Variants in MYO16 observed in about 807,000 individuals in gnomAD.
MYO16 encodes the protein myosin XVI.
A neutral mutation model predicts 205.3 loss-of-function variants in MYO16; 94 were observed. The ratio of observed to expected loss-of-function variants is 0.46; its 90% CI spans 0.39 to 0.54. MYO16 has a LOEUF of 0.54. MYO16 is among the 20% of genes least tolerant of loss of function. MYO16 has a pLI of 0.00. For synonymous variants in MYO16, 988 were observed against 954.0 expected (o/e 1.04, Z -0.66); for missense variants, 2,315 against 2,387.5 (o/e 0.97, Z 0.63).
chr13:109,101,039 T>G (rs1419657692), intron 28 of MYO16, 152 bp downstream of exon 28: 2 of 630,504 alleles, frequency 3.2e-6, no homozygotes, highest in South Asian at 4.1e-5. Flanking sequence ...CCTGGAAATT[T>G]GTCATTCTTT....
chr13:108,818,418 A>G (rs981133829), intron 7 of MYO16, among the ~76,000 whole-genome samples: 1 of 148,142 alleles, frequency 6.8e-6, no homozygotes, highest in Non-Finnish European at 1.5e-5. Flanking sequence ...AAAAATAAAA[A>G]AGAGAGAGAT....
At chr13:109,045,414 A>G (rs1887008290) in intron 23 of MYO16, among the ~76,000 whole-genome samples, 2 of 152,178 alleles carry the variant, frequency 1.3e-5, no homozygotes, top group African/African-American at 4.8e-5. Context: ...ACATTTAACA[A>G]CGTATGGTGT....
chr13:108,847,409 C>A (rs543928192), intron 10 of MYO16, among the ~76,000 whole-genome samples: 1 of 152,254 alleles, frequency 6.6e-6, no homozygotes, highest in East Asian at 1.9e-4. Flanking sequence ...TGTTCTTGCC[C>A]ACAAGGTGCT....
At chr13:108,611,286 A>G (rs1879163477) in intron 1 of MYO16, among the ~76,000 whole-genome samples, 3 of 152,192 alleles carry the variant, frequency 2.0e-5, no homozygotes, top group Admixed American at 1.3e-4. Context: ...CATCACAATA[A>G]AAAGAGAAAA....
intron 27 of MYO16, among the ~76,000 whole-genome samples, chr13:109,061,198 T>C (rs1232348204): frequency 3.3e-5 from 5 of 152,182 alleles, no homozygotes; most frequent in Admixed American, 1.3e-4. Flanking sequence ...TGATCTTATC[T>C]TCTGTCCAGA....
chr13:109,161,043 G>C (rs1184415501), intron 32 of MYO16, among the ~76,000 whole-genome samples: 1 of 152,122 alleles, frequency 6.6e-6, no homozygotes, highest in South Asian at 2.1e-4. Context: ...GTCAGGGCAC[G>C]GCTGCTTTCA....
At chr13:108,785,572 A>C in intron 4 of MYO16, 63 bp from the exon 5 acceptor site, 1 of 950,364 alleles carries the variant, frequency 1.1e-6, no homozygotes, top group Non-Finnish European at 1.5e-6. Context: ...TTGAAGTACA[A>C]CTCCTAATCT....
intron 22 of MYO16, among the ~76,000 whole-genome samples, chr13:109,009,818 A>G (rs892309260): frequency 6.6e-6 from 1 of 152,092 alleles, no homozygotes; most frequent in Non-Finnish European, 1.5e-5. Flanking sequence ...CTTGCTTCTA[A>G]CTTGTCAGCA....
At chr13:109,091,613 G>A (rs767329465) in intron 27 of MYO16, among the ~76,000 whole-genome samples, 3 of 152,162 alleles carry the variant, frequency 2.0e-5, no homozygotes, top group Admixed American at 1.3e-4. Flanking sequence ...ACTGGCGACC[G>A]CATTTCCAAC....
chr13:108,758,269 T>A (rs1183643649), intron 4 of MYO16, among the ~76,000 whole-genome samples: 1 of 152,206 alleles, frequency 6.6e-6, no homozygotes, highest in Admixed American at 6.5e-5. Context: ...CACTTGACTA[T>A]TGGGATTTTT....
the MYO16 span, among the ~76,000 whole-genome samples, chr13:108,500,557 C>A: frequency 6.6e-6 from 1 of 151,968 alleles, no homozygotes; most frequent in Admixed American, 6.6e-5. Context: ...TTATTTCCTG[C>A]TGTTTTTCTC....
the MYO16 span, among the ~76,000 whole-genome samples, chr13:108,554,005 C>G: frequency 6.6e-6 from 1 of 152,194 alleles, no homozygotes; most frequent in Non-Finnish European, 1.5e-5. Flanking sequence ...CTCTGATGGT[C>G]CAAAGCCATG....
At chr13:109,064,860 G>A (rs940674861) in intron 27 of MYO16, among the ~76,000 whole-genome samples, 1 of 152,162 alleles carries the variant, frequency 6.6e-6, no homozygotes, top group Non-Finnish European at 1.5e-5. Flanking sequence ...ACAAAGGGTT[G>A]GAAATGCATC....
rs1291812447 is a variant in MYO16, at chr13:108,700,066, T to C, written c.293-12595T>C. Among the ~76,000 whole-genome samples the C allele has an allele frequency of 2.6e-5, 4 of 152,108 alleles. No homozygotes were observed. The East Asian group carries it at 5.8e-4, about 22-fold the overall frequency. On this transcript the variant is annotated intron_variant, in intron 2 of 34. Transcript: ENST00000457511. ...AGCATTTATAGGCTGGGCATGGTGG[T>C]TCATGCCTATAATCCCAGCACTTTG...
intron 4 of MYO16, among the ~76,000 whole-genome samples, chr13:108,743,846 A>G (rs981988570): frequency 2.6e-5 from 4 of 152,226 alleles, no homozygotes; most frequent in Admixed American, 1.3e-4. Flanking sequence ...TCAAAATCCA[A>G]TCATTCCAAA....
At chr13:108,808,758 T>C (rs1043029184) in intron 7 of MYO16, among the ~76,000 whole-genome samples, 1 of 152,214 alleles carries the variant, frequency 6.6e-6, no homozygotes, top group African/African-American at 2.4e-5. Context: ...AAAATGGATT[T>C]TTAAATGTTA....
chr13:108,659,442 G>T, intron 1 of MYO16: 1 of 371,014 alleles, frequency 2.7e-6, no homozygotes, highest in Non-Finnish European at 5.3e-6. Flanking sequence ...CGCTGAGCAG[G>T]GGCTTCTGGC....
intron 2 of MYO16, among the ~76,000 whole-genome samples, chr13:108,686,157 G>A (rs940179232): frequency 8.5e-5 from 13 of 152,102 alleles, no homozygotes; most frequent in Admixed American, 4.6e-4. Context: ...GTTGGCTATG[G>A]GAGGATCCCA....
intron 9 of MYO16, among the ~76,000 whole-genome samples, chr13:108,839,635 G>T (rs1405221580): frequency 6.6e-6 from 1 of 152,164 alleles, no homozygotes; most frequent in African/African-American, 2.4e-5. Context: ...TTGCTCAAAA[G>T]ATACTTGATA....
Sources: allele counts gnomAD v4.1 joint callset (sites outside exome capture counted in the v4.1 genomes callset), GRCh38; gene constraint gnomAD v4.1.1; transcripts MANE v1.5; gene names NCBI Gene and HGNC (gene_info 2026-07-23, HGNC 2026-07-21).